CHSY3: variants seen among roughly 807,000 people sequenced by gnomAD.
CHSY3 encodes the protein N-acetylgalactosaminyl-proteoglycan 3-beta-glucuronosyltransferase 3.
A neutral mutation model predicts 67.2 loss-of-function variants in CHSY3; 35 were observed. The observed-to-expected ratio is 0.52, with a 90% confidence interval of 0.40 to 0.69. The LOEUF (loss-of-function observed/expected upper bound fraction) is 0.69, where lower values mean the gene tolerates loss of function less well. Ranked by LOEUF, CHSY3 falls within the 30% of genes least tolerant of loss-of-function variation. The pLI is 0.00. For missense variants in CHSY3, 1,069 were observed against 1,138.5 expected (o/e 0.94, Z 0.88); for synonymous variants, 474 against 434.7 (o/e 1.09, Z -1.12).
chr5:129,921,406 C>T (rs946525532), intron 2 of CHSY3, among the ~76,000 whole-genome samples: 13 of 152,146 alleles, frequency 8.5e-5, no homozygotes, highest in Middle Eastern at 3.2e-3. Flanking sequence ...GATAAAGAGA[C>T]GACTCATGTC....
In CHSY3 at chr5:129,966,088, A is replaced by ATAGGCTG. The variant is rs576536624; in HGVS notation, c.1086+57730_1086+57736dup. On this transcript the variant is annotated intron_variant, in intron 2 of 2. Coordinates refer to ENST00000305031, the MANE Select transcript of CHSY3 (RefSeq NM_175856.5). The stretch of plus-strand genomic sequence containing the variant: ...CCAGGTGATAGTCTGTATTTGTATT[A>ATAGGCTG]TAGGCTGTTAGAGAAAAAGCACCTT... Among the ~76,000 whole-genome samples, 452 of 152,016 alleles carry ATAGGCTG rather than the reference A, an allele frequency of 3.0e-3. 4 individuals are homozygous for ATAGGCTG. The highest frequency in any genetic ancestry group is 0.01 in the African/African-American group (432 of 41,520).
intron 2 of CHSY3, among the ~76,000 whole-genome samples, chr5:130,143,796 A>G (rs1289379258): frequency 2.2e-5 from 2 of 92,236 alleles, no homozygotes; most frequent in East Asian, 3.7e-4. Context: ...ATATATATAT[A>G]TATATATATG....
chr5:129,943,619 C>T (rs1436153906), intron 2 of CHSY3, among the ~76,000 whole-genome samples: 1 of 152,062 alleles, frequency 6.6e-6, no homozygotes, highest in East Asian at 1.9e-4. Context: ...AATTTTTTCC[C>T]TTTAAACGTA....
chr5:130,116,793 T>G (rs1767819662), intron 2 of CHSY3, among the ~76,000 whole-genome samples: 1 of 152,010 alleles, frequency 6.6e-6, no homozygotes, highest in Non-Finnish European at 1.5e-5. Flanking sequence ...GCCAAGCTTA[T>G]GCAGCAGTGT....
chr5:129,923,534 A>G (rs1392864853), intron 2 of CHSY3, among the ~76,000 whole-genome samples: 1 of 152,164 alleles, frequency 6.6e-6, no homozygotes, highest in African/African-American at 2.4e-5. Context: ...ACAAAATATA[A>G]GCAGGGGAAA....
At chr5:130,027,833 G>C (rs1426292913) in intron 2 of CHSY3, among the ~76,000 whole-genome samples, 1 of 152,088 alleles carries the variant, frequency 6.6e-6, no homozygotes, top group Non-Finnish European at 1.5e-5. Flanking sequence ...AGTATTCCAT[G>C]GTGTATATGT....
At chr5:129,974,141 G>A (rs1052792031) in intron 2 of CHSY3, among the ~76,000 whole-genome samples, 9 of 152,090 alleles carry the variant, frequency 5.9e-5, no homozygotes, top group Admixed American at 5.2e-4. Context: ...AGATTTCCTA[G>A]CACATAGCTT....
chr5:130,054,584 A>G (rs1765465911), intron 2 of CHSY3, among the ~76,000 whole-genome samples: 1 of 152,118 alleles, frequency 6.6e-6, no homozygotes, highest in African/African-American at 2.4e-5. Flanking sequence ...GACTAATGTG[A>G]CTTCTCATTT....
At chr5:130,011,501 A>C (rs1300413536) in intron 2 of CHSY3, among the ~76,000 whole-genome samples, 2 of 152,166 alleles carry the variant, frequency 1.3e-5, no homozygotes, top group African/African-American at 4.8e-5. Context: ...CCTATTACAA[A>C]CCAACAGCCA....
chr5:129,982,818 A>T (rs1167136530), intron 2 of CHSY3, among the ~76,000 whole-genome samples: 1 of 152,078 alleles, frequency 6.6e-6, no homozygotes, highest in East Asian at 1.9e-4. Flanking sequence ...AGTTTATTTC[A>T]CTTGTTAATT....
chr5:130,055,014 G>C (rs904481817), intron 2 of CHSY3, among the ~76,000 whole-genome samples: 38 of 152,136 alleles, frequency 2.5e-4, no homozygotes, highest in Non-Finnish European at 1.2e-4. Context: ...TGTATGTATG[G>C]AGGTGGAGGA....
chr5:130,022,360 A>T (rs1764416996), intron 2 of CHSY3, among the ~76,000 whole-genome samples: 1 of 152,044 alleles, frequency 6.6e-6, no homozygotes, highest in Non-Finnish European at 1.5e-5. Context: ...TATTGTACTA[A>T]GAAACTCCTT....
intron 2 of CHSY3, among the ~76,000 whole-genome samples, chr5:130,109,201 T>C (rs777060985): frequency 2.0e-5 from 3 of 151,810 alleles, no homozygotes; most frequent in South Asian, 2.1e-4. Context: ...TAGGGACTCA[T>C]TGTAACTTAG....
chr5:130,105,672 T>G (rs1767391461), intron 2 of CHSY3, among the ~76,000 whole-genome samples: 1 of 151,748 alleles, frequency 6.6e-6, no homozygotes, highest in South Asian at 2.1e-4. Flanking sequence ...TGACTTGGGT[T>G]GTAATTTTGT....
chr5:129,949,156 A>C (rs1761951366), intron 2 of CHSY3, among the ~76,000 whole-genome samples: 1 of 152,210 alleles, frequency 6.6e-6, no homozygotes, highest in Non-Finnish European at 1.5e-5. Flanking sequence ...TTAGTACTAG[A>C]CTTAATAAAT....
In CHSY3 at chr5:130,020,754, C is replaced by G. The variant is rs1379736766; in HGVS notation, c.1086+112394C>G. 2.0e-5 allele frequency among the ~76,000 whole-genome samples: 3 copies of G among 152,016 alleles called. No homozygotes were observed. The East Asian group carries it at 5.8e-4, about 29-fold the overall frequency. On this transcript the variant is annotated intron_variant, in intron 2 of 2. Transcript: ENST00000305031. ...GTCAGGACACTCACCTAAGCAATAA[C>G]TTATGAAGTGTGTATGTAATTCCTC... is the stretch of plus-strand genomic sequence containing the variant.
intron 2 of CHSY3, chr5:130,140,857 C>T: frequency 3.4e-6 from 1 of 296,162 alleles, no homozygotes; most frequent in Non-Finnish European, 5.3e-6. Flanking sequence ...CTTCCAGCAC[C>T]CAGGCCAGTA....
At chr5:129,920,264 G>C (rs1214202725) in intron 2 of CHSY3, among the ~76,000 whole-genome samples, 1 of 152,132 alleles carries the variant, frequency 6.6e-6, no homozygotes, top group East Asian at 1.9e-4. Flanking sequence ...TTTGTTTTGA[G>C]ACAGAGTCTT....
At chr5:129,959,555 G>A (rs574380223) in intron 2 of CHSY3, among the ~76,000 whole-genome samples, 4 of 152,132 alleles carry the variant, frequency 2.6e-5, no homozygotes, top group South Asian at 4.1e-4. Context: ...TTTCAATATC[G>A]TTAAATAGGG....
Sources: allele counts gnomAD v4.1 joint callset (sites outside exome capture counted in the v4.1 genomes callset), GRCh38; gene constraint gnomAD v4.1.1; transcripts MANE v1.5; gene names NCBI Gene and HGNC (gene_info 2026-07-23, HGNC 2026-07-21).